MDM2: variants seen among roughly 807,000 people sequenced by gnomAD.
MDM2 encodes the protein E3 ubiquitin-protein ligase Mdm2.
A neutral mutation model predicts 64.3 loss-of-function variants in MDM2; 11 were observed. The observed-to-expected ratio is 0.17, with a 90% CI of 0.11 to 0.28. MDM2 has a LOEUF of 0.28. Ranked by LOEUF, MDM2 falls within the 10% of genes least tolerant of loss-of-function variation. The pLI, the probability that MDM2 is intolerant of heterozygous loss-of-function variation, is 1.00. For synonymous variants in MDM2, 194 were observed against 192.9 expected (o/e 1.01, Z -0.05); for missense variants, 388 against 577.1 (o/e 0.67, Z 3.36).
At chr12:68,817,752 T>TG (rs1184652229) in intron 4 of MDM2, among the ~76,000 whole-genome samples, 1 of 151,814 alleles carries the variant, frequency 6.6e-6, no homozygotes, top group African/African-American at 2.4e-5. Flanking sequence ...AAACTGCATC[T>TG]GAAAAAAAAA....
intron 8 of MDM2, among the ~76,000 whole-genome samples, chr12:68,833,149 A>AAAATATATATATAT (rs1555187768): frequency 7.6e-4 from 50 of 65,962 alleles, no homozygotes; most frequent in African/African-American, 2.9e-3. Flanking sequence ...AAAAAAAAAA[A>AAAATATATATATAT]ATATATATAT....
At chr12:68,811,952 G>A (rs1880937272) in intron 2 of MDM2, among the ~76,000 whole-genome samples, 1 of 151,262 alleles carries the variant, frequency 6.6e-6, no homozygotes, top group African/African-American at 2.4e-5. Flanking sequence ...CACTGTGTTG[G>A]CCAGGCTGGT....
At chr12:68,829,225 A>G (rs1354312497) in intron 8 of MDM2, among the ~76,000 whole-genome samples, 2 of 152,014 alleles carry the variant, frequency 1.3e-5, no homozygotes, top group Non-Finnish European at 2.9e-5. Flanking sequence ...CACTGCACCA[A>G]TAGTACAGTC....
Position 68,835,810 on chromosome 12 carries a change from T to C in MDM2, c.685-19T>C. ...AAGAGGTGATGTTTATTAAGTTATA[T>C]ATTTTTTTCTTGTTTTAGGATCTTG... On this transcript the variant is annotated intron_variant, in intron 8 of 10. Transcript: ENST00000258149. The C allele has an allele frequency of 6.2e-7, 1 of 1,607,718 alleles. No individual in the cohort carries two copies. The highest frequency in any genetic ancestry group is 1.1e-5 in the South Asian group (1 of 90,318).
chr12:68,836,072 C>T, intron 9 of MDM2, 88 bp downstream of exon 9: 2 of 1,167,772 alleles, frequency 1.7e-6, no homozygotes, highest in South Asian at 1.9e-5. Flanking sequence ...TAATATTATT[C>T]AGATTTCACT....
intron 2 of MDM2, among the ~76,000 whole-genome samples, chr12:68,812,154 T>C (rs1880957523): frequency 6.6e-6 from 1 of 151,770 alleles, no homozygotes; most frequent in African/African-American, 2.4e-5. Flanking sequence ...TTTGAGAGAG[T>C]CCATTCTTTA....
chr12:68,841,668 A>C lies in MDM2; in HGVS notation c.*1819A>C, dbSNP rs1883778210. Reference sequence around the variant, plus strand: ...TCTTGGCCTGGGTTACATGGTTCCCAGCCTAGGTTTCAGACTTTTGCTTAA... The same window carrying C: ...TCTTGGCCTGGGTTACATGGTTCCCCGCCTAGGTTTCAGACTTTTGCTTAA... On this transcript the variant is annotated 3_prime_UTR_variant, in exon 11 of 11. Transcript: ENST00000258149. 2.4e-5 allele frequency: 5 copies of C among 209,330 alleles called. No homozygotes were observed. The highest frequency in any genetic ancestry group is 3.9e-5 in the Non-Finnish European group (4 of 103,150). The allele number at this position is 209,330 out of a possible 1,614,324, so 13.0% of individuals were successfully genotyped here. A position where few individuals can be genotyped will look rare whatever the true frequency, so the allele number is the denominator to read the frequency against.
intron 3 of MDM2, chr12:68,814,558 T>C: frequency 2.8e-6 from 1 of 351,760 alleles, no homozygotes; most frequent in East Asian, 8.1e-5. Flanking sequence ...AATAGAATTT[T>C]TTTTTTCCCA....
At chr12:68,825,380 G>A (rs752689660) in intron 7 of MDM2, among the ~76,000 whole-genome samples, 7 of 151,856 alleles carry the variant, frequency 4.6e-5, no homozygotes, top group East Asian at 2.0e-4. Flanking sequence ...AGGGCCGGGC[G>A]CAGTGGCTCA....
At chr12:68,823,388 C>T (rs1436739914) in intron 5 of MDM2, among the ~76,000 whole-genome samples, 1 of 152,118 alleles carries the variant, frequency 6.6e-6, no homozygotes, top group Non-Finnish European at 1.5e-5. Flanking sequence ...TGTTATCTTC[C>T]CATCCAATCT....
chr12:68,815,642 T>C (rs1043962874), intron 3 of MDM2: 5 of 415,818 alleles, frequency 1.2e-5, no homozygotes, highest in African/African-American at 6.3e-5. Context: ...GGAGTTTCAC[T>C]ATGTTGCCCA....
chr12:68,812,197 TAA>T (rs56187630), intron 2 of MDM2, among the ~76,000 whole-genome samples: 133 of 149,006 alleles, frequency 8.9e-4, no homozygotes, highest in Middle Eastern at 3.5e-3. Context: ...TAAGCACAGT[TAA>T]AAAAAAAAAA....
chr12:68,838,233 T>C (rs1565747032), intron 10 of MDM2, among the ~76,000 whole-genome samples: 1 of 152,208 alleles, frequency 6.6e-6, no homozygotes, highest in African/African-American at 2.4e-5. Flanking sequence ...CGGAAATACC[T>C]CTTACTTAAG....
At chr12:68,810,606 C>T (rs530420027) in intron 2 of MDM2, among the ~76,000 whole-genome samples, 168 of 151,908 alleles carry the variant, frequency 1.1e-3, no homozygotes, top group South Asian at 7.1e-3. Flanking sequence ...GGACTACAGG[C>T]GCCCACCACC....
chr12:68,815,738 C>A, intron 3 of MDM2: 1 of 247,018 alleles, frequency 4.0e-6, no homozygotes, highest in Non-Finnish European at 8.5e-6. Context: ...CCACTGTGCC[C>A]AACGCAATTT....
chr12:68,825,158 G>A (rs919093701), intron 7 of MDM2, among the ~76,000 whole-genome samples: 82 of 152,322 alleles, frequency 5.4e-4, no homozygotes, highest in Admixed American at 1.6e-3. Context: ...ACAGTGAGCC[G>A]AAATTGCGCC....
chr12:68,825,900 C>G (rs1882278057), intron 7 of MDM2, among the ~76,000 whole-genome samples: 1 of 152,118 alleles, frequency 6.6e-6, no homozygotes, highest in African/African-American at 2.4e-5. Context: ...ATGGTAGTTA[C>G]TTGGGGAAAA....
At chr12:68,819,496 T>G (rs546286342) in intron 4 of MDM2, among the ~76,000 whole-genome samples, 3 of 152,322 alleles carry the variant, frequency 2.0e-5, no homozygotes, top group African/African-American at 7.2e-5. Context: ...TAAGTTTCTT[T>G]TTTTTCTTCC....
intron 4 of MDM2, 92 bp from the exon 5 acceptor site, chr12:68,820,233 A>G: frequency 1.1e-6 from 1 of 897,260 alleles, no homozygotes; most frequent in Admixed American, 2.4e-5. Context: ...CATACTAAGT[A>G]TGTATGTAGA....
Sources: gnomAD v4.1 joint callset for allele counts (sites outside exome capture counted in the v4.1 genomes callset) on GRCh38, gnomAD v4.1.1 for gene constraint, MANE v1.5 for transcripts, NCBI Gene and HGNC (gene_info 2026-07-23, HGNC 2026-07-21) for gene names.